ZNF407: variants seen among roughly 807,000 people sequenced by gnomAD.
The protein encoded by ZNF407 is zinc finger protein 407.
ZNF407 carries 17 observed loss-of-function variants against 131.2 expected under a neutral mutation model. The observed-to-expected ratio is 0.13, with a 90% CI of 0.09 to 0.19. The LOEUF is 0.19. Ranked by LOEUF, ZNF407 falls within the 10% of genes least tolerant of loss-of-function variation. The probability of loss-of-function intolerance (pLI) is 1.00; values close to 1 mark genes in which losing one functional copy is unlikely to be tolerated. For synonymous variants in ZNF407, 1,156 were observed against 1,062.0 expected (o/e 1.09, Z -1.72); for missense variants, 2,681 against 2,830.6 (o/e 0.95, Z 1.20).
chr18:74,953,086 G>C (rs1972234596), intron 8 of ZNF407, among the ~76,000 whole-genome samples: 1 of 151,224 alleles, frequency 6.6e-6, no homozygotes, highest in African/African-American at 2.5e-5. Context: ...AGCCTACGTT[G>C]ATTTGTTTTT....
At position 75,012,279 on chromosome 18, in the gene ZNF407, T is replaced by C. The variant is rs140270833; in HGVS notation, c.5429-50871T>C. Among the ~76,000 whole-genome samples the C allele has an allele frequency of 5.8e-3, 676 of 117,064 alleles. 15 individuals carry two copies. The highest frequency in any genetic ancestry group is 0.019 in the African/African-American group (626 of 32,328). 76.8% of individuals were successfully genotyped at this position (117,064 alleles called of 152,430 possible). A position where few individuals can be genotyped will look rare whatever the true frequency, so the allele number is the denominator to read the frequency against. ...GCTATACACATAGTGTATGTACACA[T>C]AGTGTATGTACACATAGTGTATGTA... is the stretch of plus-strand genomic sequence containing the variant. On this transcript the variant is annotated intron_variant, in intron 8 of 8. Coordinates refer to ENST00000299687, the MANE Select transcript of ZNF407 (RefSeq NM_017757.3).
At chr18:74,833,673 C>T (rs557922662) in intron 4 of ZNF407, among the ~76,000 whole-genome samples, 3 of 152,192 alleles carry the variant, frequency 2.0e-5, no homozygotes, top group Admixed American at 2.0e-4. Context: ...GACTTAAGGG[C>T]CTTATGTTGT....
At chr18:75,062,871 G>A (rs537576798) in intron 8 of ZNF407, 38 of 287,424 alleles carry the variant, frequency 1.3e-4, no homozygotes, top group Admixed American at 2.5e-4. Flanking sequence ...TTGGAGAGGC[G>A]CACACCCCTG....
intron 4 of ZNF407, among the ~76,000 whole-genome samples, chr18:74,824,922 A>G (rs1202702979): frequency 2.0e-5 from 3 of 152,202 alleles, no homozygotes; most frequent in Non-Finnish European, 4.4e-5. Context: ...AAAAAAGTTC[A>G]GGCCAGTATC....
chr18:74,628,791 G>C (rs573529350), intron 1 of ZNF407, among the ~76,000 whole-genome samples: 1 of 152,042 alleles, frequency 6.6e-6, no homozygotes, highest in African/African-American at 2.4e-5. Context: ...TGTTGCCCAG[G>C]CTGGTGTCGA....
intron 2 of ZNF407, among the ~76,000 whole-genome samples, chr18:74,640,278 G>C (rs969615515): frequency 6.6e-5 from 10 of 151,980 alleles, no homozygotes; most frequent in African/African-American, 2.4e-4. Flanking sequence ...TTTGAGTATA[G>C]TTTAATCTTA....
intron 3 of ZNF407, among the ~76,000 whole-genome samples, chr18:74,758,582 A>G (rs1969018453): frequency 6.6e-6 from 1 of 152,148 alleles, no homozygotes; most frequent in African/African-American, 2.4e-5. Context: ...ACAAAGGAAA[A>G]GAGAAAATAT....
chr18:74,871,249 G>A (rs1199625604), intron 4 of ZNF407, among the ~76,000 whole-genome samples: 1 of 152,152 alleles, frequency 6.6e-6, no homozygotes, highest in African/African-American at 2.4e-5. Flanking sequence ...AGAAATTCAG[G>A]TGGGAACCCT....
chr18:74,858,990 A>G (rs569553608), intron 4 of ZNF407, among the ~76,000 whole-genome samples: 1 of 151,844 alleles, frequency 6.6e-6, no homozygotes, highest in South Asian at 2.1e-4. Context: ...ACAGCGAGTT[A>G]TTTGTTATGG....
Position 74,692,733 on chromosome 18 carries a change from A to C in ZNF407, c.4802+51611A>C, listed in dbSNP as rs1353063344. On this transcript the variant is annotated intron_variant, in intron 3 of 8. Coordinates refer to ENST00000299687, the MANE Select transcript of ZNF407 (RefSeq NM_017757.3). ...GTGTTTTCTTCTTCTGTTCTTCTCA[A>C]AGATGTAGTGGAACTGCCTTGTGTT... 8.6e-5 allele frequency among the ~76,000 whole-genome samples: 13 copies of C among 151,940 alleles called. No individual in the cohort carries two copies. The Middle Eastern group carries it at 0.017, about 199-fold the overall frequency.
chr18:74,764,078 A>G (rs1212295637), intron 3 of ZNF407, among the ~76,000 whole-genome samples: 2 of 150,924 alleles, frequency 1.3e-5, no homozygotes, highest in African/African-American at 4.9e-5. Flanking sequence ...TTGCTTTATC[A>G]TTGGTTTCCT....
At chr18:74,923,604 G>A (rs796619077) in intron 8 of ZNF407, among the ~76,000 whole-genome samples, 4 of 152,198 alleles carry the variant, frequency 2.6e-5, no homozygotes, top group African/African-American at 9.6e-5. Flanking sequence ...GTTAAGAGGA[G>A]TATGTTAAAG....
chr18:74,679,424 A>G (rs1966930312), intron 3 of ZNF407, among the ~76,000 whole-genome samples: 1 of 152,176 alleles, frequency 6.6e-6, no homozygotes, highest in African/African-American at 2.4e-5. Context: ...GTACGGGGTG[A>G]AGTCTGATTC....
At chr18:74,857,863 G>A (rs1007915708) in intron 4 of ZNF407, among the ~76,000 whole-genome samples, 6 of 151,476 alleles carry the variant, frequency 4.0e-5, no homozygotes, top group African/African-American at 7.3e-5. Flanking sequence ...CCTTGGTATT[G>A]TGTTTTGGTT....
chr18:74,814,892 T>C (rs1214556820), intron 4 of ZNF407, among the ~76,000 whole-genome samples: 1 of 152,024 alleles, frequency 6.6e-6, no homozygotes, highest in Non-Finnish European at 1.5e-5. Context: ...TAGAGATACA[T>C]TATGAAATAT....
intron 1 of ZNF407, among the ~76,000 whole-genome samples, chr18:74,625,319 G>A (rs1983739323): frequency 6.6e-6 from 1 of 151,900 alleles, no homozygotes; most frequent in South Asian, 2.1e-4. Context: ...TCAACAGAGT[G>A]TTCGCTCTAA....
intron 1 of ZNF407, among the ~76,000 whole-genome samples, chr18:74,619,767 C>T (rs1983442541): frequency 6.6e-6 from 1 of 152,142 alleles, no homozygotes; most frequent in Non-Finnish European, 1.5e-5. Context: ...AGAATTTATA[C>T]AGCCTGTTCT....
At chr18:74,649,830 G>A (rs1985144668) in intron 3 of ZNF407, among the ~76,000 whole-genome samples, 1 of 152,222 alleles carries the variant, frequency 6.6e-6, no homozygotes, top group South Asian at 2.1e-4. Context: ...ACAGGTTTAA[G>A]CAGCAAAGTT....
At chr18:74,931,520 T>G (rs1219028585) in intron 8 of ZNF407, among the ~76,000 whole-genome samples, 2 of 151,982 alleles carry the variant, frequency 1.3e-5, no homozygotes, top group African/African-American at 2.4e-5. Context: ...ACAGCTAGGG[T>G]TTTTATTCTT....
Sources: gnomAD v4.1 joint callset for allele counts (sites outside exome capture counted in the v4.1 genomes callset) on GRCh38, gnomAD v4.1.1 for gene constraint, MANE v1.5 for transcripts, NCBI Gene and HGNC (gene_info 2026-07-23, HGNC 2026-07-21) for gene names.